Variants in MOB4 observed in about 807,000 individuals in gnomAD.
The protein encoded by MOB4 is MOB family member 4, phocein.
MOB4 carries 4 observed loss-of-function variants against 32.2 expected under a neutral mutation model. The observed-to-expected ratio is 0.12, with a 90% confidence interval of 0.06 to 0.28. The LOEUF (loss-of-function observed/expected upper bound fraction) is 0.28. Ranked by LOEUF, MOB4 falls within the 10% of genes least tolerant of loss-of-function variation. The pLI, the probability that MOB4 is intolerant of heterozygous loss-of-function variation, is 1.00. For synonymous variants in MOB4, 88 were observed against 88.1 expected, an observed-to-expected ratio of 1.00 and a Z score of 0.01; for missense variants, 158 against 271.2, an observed-to-expected ratio of 0.58 and a Z score of 2.93.
intron 2 of MOB4, among the ~76,000 whole-genome samples, chr2:197,526,549 C>T (rs1484579933): frequency 6.6e-6 from 1 of 152,184 alleles, no homozygotes; most frequent in African/African-American, 2.4e-5. Flanking sequence ...AACTCCAGAC[C>T]TCGTGATCTA....
At chr2:197,543,377 G>A (rs1310916325) in intron 5 of MOB4, among the ~76,000 whole-genome samples, 6 of 151,966 alleles carry the variant, frequency 3.9e-5, no homozygotes, top group African/African-American at 1.5e-4. Context: ...ACCACAGACA[G>A]TTGGTGCGAG....
intron 6 of MOB4, 107 bp from the exon 7 acceptor site, chr2:197,550,168 A>T: frequency 9.7e-7 from 1 of 1,029,248 alleles, no homozygotes; most frequent in Non-Finnish European, 1.4e-6. Flanking sequence ...GTAGTCGCTT[A>T]TTTTCCCTAG....
At chr2:197,548,160 A>T (rs2087031222) in intron 5 of MOB4, among the ~76,000 whole-genome samples, 176 bp from the exon 6 acceptor site, 1 of 151,890 alleles carries the variant, frequency 6.6e-6, no homozygotes, top group African/African-American at 2.4e-5. Flanking sequence ...GTTCAAGGGG[A>T]TAATAAACCT....
intron 2 of MOB4, among the ~76,000 whole-genome samples, chr2:197,529,510 G>A (rs2086664361): frequency 6.7e-6 from 1 of 149,796 alleles, no homozygotes; most frequent in Non-Finnish European, 1.5e-5. Context: ...TGCCGCCACA[G>A]CCGCCTCATT....
At chr2:197,519,017 G>C (rs2086467914) in intron 1 of MOB4, among the ~76,000 whole-genome samples, 1 of 151,858 alleles carries the variant, frequency 6.6e-6, no homozygotes, top group East Asian at 1.9e-4. Flanking sequence ...CTCGGCCTCT[G>C]AAAGTGCTGG....
chr2:197,541,612 G>T (rs2086895867), intron 5 of MOB4, among the ~76,000 whole-genome samples: 1 of 152,216 alleles, frequency 6.6e-6, no homozygotes, highest in Non-Finnish European at 1.5e-5. Context: ...TTAATTAATT[G>T]AAGCAGTATT....
intron 2 of MOB4, among the ~76,000 whole-genome samples, chr2:197,525,386 T>C (rs1446499113): frequency 2.0e-5 from 3 of 151,376 alleles, no homozygotes; most frequent in Non-Finnish European, 4.4e-5. Context: ...GGATTTGTTA[T>C]GTTATTTGAA....
At chr2:197,517,406 C>T (rs11903114) in intron 1 of MOB4, among the ~76,000 whole-genome samples, 6,176 of 152,186 alleles carry the variant, frequency 0.041, 410 homozygotes, top group African/African-American at 0.14. Context: ...TGCTTTTTAC[C>T]GTTTCCACAC....
chr2:197,546,645 C>T (rs1388161387), intron 5 of MOB4, among the ~76,000 whole-genome samples: 1 of 152,086 alleles, frequency 6.6e-6, no homozygotes. Context: ...AGTGATCTTC[C>T]CACTTTGGCC....
chr2:197,523,944 T>G (rs77654215), intron 2 of MOB4, among the ~76,000 whole-genome samples: 1 of 152,376 alleles, frequency 6.6e-6, no homozygotes, highest in African/African-American at 2.4e-5. Context: ...TTTAAAAGTT[T>G]AGTCAACCCT....
At chr2:197,541,694 C>T (rs980191552) in intron 5 of MOB4, among the ~76,000 whole-genome samples, 15 of 151,942 alleles carry the variant, frequency 9.9e-5, no homozygotes, top group African/African-American at 2.7e-4. Flanking sequence ...CCGAGGCGGG[C>T]GGATCACGAG....
chr2:197,534,165 A>G (rs2086757158), intron 2 of MOB4, among the ~76,000 whole-genome samples: 1 of 152,150 alleles, frequency 6.6e-6, no homozygotes, highest in South Asian at 2.1e-4. Flanking sequence ...TTGGAAAAAA[A>G]AGTTTTTGAG....
intron 6 of MOB4, among the ~76,000 whole-genome samples, chr2:197,550,063 G>C (rs1240213321): frequency 6.6e-6 from 1 of 152,134 alleles, no homozygotes; most frequent in Non-Finnish European, 1.5e-5. Flanking sequence ...CTATAATGCT[G>C]AATTTAAGTT....
intron 2 of MOB4, among the ~76,000 whole-genome samples, chr2:197,535,186 G>A (rs1444180274): frequency 6.8e-6 from 1 of 147,036 alleles, no homozygotes; most frequent in Non-Finnish European, 1.5e-5. Context: ...TTGTGCCACT[G>A]TACTCCAGCC....
chr2:197,540,035 T>C, intron 3 of MOB4, 76 bp from the exon 4 acceptor site: 2 of 1,494,356 alleles, frequency 1.3e-6, no homozygotes, highest in Non-Finnish European at 1.8e-6. Context: ...GATGGGATTC[T>C]CTTTTTGCAG....
chr2:197,533,077 C>T (rs969958342), intron 2 of MOB4, among the ~76,000 whole-genome samples: 3 of 151,998 alleles, frequency 2.0e-5, no homozygotes, highest in Middle Eastern at 3.4e-3. Context: ...CCAGCCTGGG[C>T]GACAGAGTGA....
chr2:197,518,783 T>C (rs922768393), intron 1 of MOB4, among the ~76,000 whole-genome samples: 15 of 151,870 alleles, frequency 9.9e-5, no homozygotes, highest in African/African-American at 2.7e-4. Flanking sequence ...GAGACAAGAG[T>C]CTCACTCTGT....
At chr2:197,522,706 T>A (rs1392353768) in intron 1 of MOB4, among the ~76,000 whole-genome samples, 1 of 152,078 alleles carries the variant, frequency 6.6e-6, no homozygotes, top group African/African-American at 2.4e-5. Context: ...AATAATAATT[T>A]ATAATTTCTT....
intron 3 of MOB4, among the ~76,000 whole-genome samples, chr2:197,537,085 G>A (rs1333900811): frequency 6.6e-6 from 1 of 152,072 alleles, no homozygotes; most frequent in Non-Finnish European, 1.5e-5. Context: ...CCTAGTCTAG[G>A]CTTGGTATCT....
Sources: allele counts gnomAD v4.1 joint callset (sites outside exome capture counted in the v4.1 genomes callset), GRCh38; gene constraint gnomAD v4.1.1; transcripts MANE v1.5; gene names NCBI Gene and HGNC (gene_info 2026-07-23, HGNC 2026-07-21).